The following EYS variants were observed in gnomAD, a reference collection of about 807,000 sequenced individuals.
EYS encodes the protein protein eyes shut homolog.
In EYS, 250 loss-of-function variants were observed where a neutral mutation model predicts 282.1. That is an observed-to-expected ratio of 0.89 (90% CI 0.80 to 0.98). The LOEUF is 0.98. Among genes scored for constraint, EYS ranks in the 50% least tolerant of loss-of-function variants. The pLI, the probability that EYS is intolerant of heterozygous loss-of-function variation, is 0.00. For missense variants in EYS, 4,016 were observed against 3,709.0 expected, an observed-to-expected ratio of 1.08 and a Z score of -2.15; for synonymous variants, 1,355 against 1,282.9, an observed-to-expected ratio of 1.06 and a Z score of -1.20.
At chr6:65,146,564 T>C (rs1371660827) in intron 12 of EYS, among the ~76,000 whole-genome samples, 1 of 151,984 alleles carries the variant, frequency 6.6e-6, no homozygotes, top group African/African-American at 2.4e-5. Context: ...CTTGCTTTCT[T>C]CAAGTGATGG....
chr6:65,016,815 A>G (rs750209742), intron 13 of EYS, among the ~76,000 whole-genome samples: 13 of 152,354 alleles, frequency 8.5e-5, no homozygotes, highest in Non-Finnish European at 1.8e-4. Context: ...ATATTTTCAT[A>G]AAACTCATTA....
chr6:63,811,464 T>C, intron 36 of EYS, among the ~76,000 whole-genome samples: 1 of 152,206 alleles, frequency 6.6e-6, no homozygotes, highest in East Asian at 1.9e-4. Flanking sequence ...CCATGACCAC[T>C]GCACTGTCCT....
chr6:65,090,125 G>T (rs970968125), intron 12 of EYS, among the ~76,000 whole-genome samples: 1 of 151,996 alleles, frequency 6.6e-6, no homozygotes, highest in African/African-American at 2.4e-5. Flanking sequence ...CTTTGTCTCT[G>T]TGTCACCACC....
chr6:64,927,470 C>A (rs570052307), intron 15 of EYS, among the ~76,000 whole-genome samples: 34 of 152,176 alleles, frequency 2.2e-4, no homozygotes, highest in African/African-American at 7.9e-4. Flanking sequence ...TAGACTGAAA[C>A]AATTTAGAAT....
chr6:64,605,374 T>A (rs904376875), intron 24 of EYS, among the ~76,000 whole-genome samples: 1 of 151,972 alleles, frequency 6.6e-6, no homozygotes, highest in African/African-American at 2.4e-5. Flanking sequence ...GGAAATACCA[T>A]TGTTTTTAAT....
intron 26 of EYS, among the ~76,000 whole-genome samples, chr6:64,533,954 A>G (rs1008161693): frequency 1.3e-5 from 2 of 151,982 alleles, no homozygotes; most frequent in Non-Finnish European, 2.9e-5. Context: ...AAGAGGACAT[A>G]GAGAGATAAG....
chr6:64,668,656 C>G (rs535949354), intron 22 of EYS, among the ~76,000 whole-genome samples: 10 of 146,968 alleles, frequency 6.8e-5, no homozygotes, highest in African/African-American at 1.0e-4. Context: ...GCTCGGCCTT[C>G]TGGGTTCACA....
Position 64,437,552 on chromosome 6 carries a change from C to T in EYS, c.5836-1287G>A, listed in dbSNP as rs943629897. 2.0e-5 allele frequency among the ~76,000 whole-genome samples: 3 copies of T among 151,772 alleles called. No individual in the cohort carries two copies. In the East Asian group the frequency reaches 5.8e-4, roughly 29 times the overall value. ...GTTACTTGGAAGTTTTGAGACTTCACATGTGCTTTGTGCTAAAATCTACTC... is the reference window on the plus strand; with the variant it reads ...GTTACTTGGAAGTTTTGAGACTTCATATGTGCTTTGTGCTAAAATCTACTC... On this transcript the variant is annotated intron_variant, in intron 27 of 42. Transcript: ENST00000503581.
At chr6:64,784,855 G>A (rs1773969750) in intron 22 of EYS, among the ~76,000 whole-genome samples, 1 of 152,004 alleles carries the variant, frequency 6.6e-6, no homozygotes, top group South Asian at 2.1e-4. Context: ...GTGTCTCTAG[G>A]TCTCCAGTTC....
chr6:64,223,093 T>C (rs1766151177), intron 31 of EYS, among the ~76,000 whole-genome samples: 1 of 151,972 alleles, frequency 6.6e-6, no homozygotes, highest in African/African-American at 2.4e-5. Context: ...TCATTGTAGA[T>C]TTTTAAAAAG....
chr6:65,405,390 A>AAG, intron 5 of EYS, 23 bp from the exon 6 acceptor site: 1 of 1,530,270 alleles, frequency 6.5e-7, no homozygotes, highest in South Asian at 1.2e-5. Context: ...ACACACAAGA[A>AAG]AAAAAAAGAA....
chr6:65,505,847 A>G (rs1325279419), intron 2 of EYS, among the ~76,000 whole-genome samples: 1 of 152,154 alleles, frequency 6.6e-6, no homozygotes, highest in African/African-American at 2.4e-5. Context: ...ACACAGTCTC[A>G]AAAGAATTCC....
chr6:64,673,607 G>C (rs1495527), intron 22 of EYS, among the ~76,000 whole-genome samples: 144,835 of 152,142 alleles, frequency 0.95, 69,331 homozygotes, highest in East Asian at 1. Context: ...TATACTTATC[G>C]AGACTATTCA....
At chr6:65,245,670 C>G (rs1167735199) in intron 12 of EYS, among the ~76,000 whole-genome samples, 1 of 151,590 alleles carries the variant, frequency 6.6e-6, no homozygotes, top group Non-Finnish European at 1.5e-5. Flanking sequence ...TCAGTTTAAT[C>G]TAATTGCACC....
chr6:65,274,337 A>G (rs1384109616), intron 12 of EYS, among the ~76,000 whole-genome samples: 2 of 152,228 alleles, frequency 1.3e-5, no homozygotes, highest in African/African-American at 4.8e-5. Context: ...CAACTCCTCT[A>G]TTTGATCTGT....
rs1764656120 is a variant in EYS, at chr6:64,813,424, T to A, written c.3397A>T (p.Asn1133Tyr). The part of the protein sequence containing the change: ...EPELNSVICL[N>Y]GGICVDGPGH... ...GGCCCATCAACACAGATCCCTCCAT[T>A]AAGACAGATGACTGAATTAAGTTCA... Residue 1133 changes from asparagine to tyrosine, a missense_variant, in exon 22 of 43, where the codon AAT becomes TAT. Asn to Tyr is a moderately radical substitution (Grantham distance 143, BLOSUM62 -2). Transcript: ENST00000503581. 1 of 1,549,818 alleles carries A rather than the reference T, an allele frequency of 6.5e-7. No individual in the cohort carries two copies. The highest frequency in any genetic ancestry group is 2.0e-5 in the Admixed American group (1 of 50,860).
At chr6:63,785,620 A>G (rs191094819) in intron 39 of EYS, among the ~76,000 whole-genome samples, 2 of 152,290 alleles carry the variant, frequency 1.3e-5, no homozygotes, top group East Asian at 3.9e-4. Context: ...GGTTCATTAT[A>G]AGCCATTTTT....
intron 22 of EYS, among the ~76,000 whole-genome samples, chr6:64,746,115 TA>T (rs1412827176): frequency 6.6e-6 from 1 of 151,992 alleles, no homozygotes; most frequent in African/African-American, 2.4e-5. Flanking sequence ...GTATGAGAAA[TA>T]AAAGTTGAAT....
At chr6:65,204,918 C>CTGGAAGAACGTA (rs1554166664) in intron 12 of EYS, among the ~76,000 whole-genome samples, 10 of 131,650 alleles carry the variant, frequency 7.6e-5, no homozygotes, top group African/African-American at 2.6e-4. Context: ...TTTATATATT[C>CTGGAAGAACGTA]TTTATATATT....
Sources: allele counts gnomAD v4.1 joint callset (sites outside exome capture counted in the v4.1 genomes callset), GRCh38; gene constraint gnomAD v4.1.1; transcripts MANE v1.5; gene names NCBI Gene and HGNC (gene_info 2026-07-23, HGNC 2026-07-21).